FAM118A: variants seen among roughly 807,000 people sequenced by gnomAD.
FAM118A encodes the protein SIR2 antiphage like 2, also known as protein FAM118A.
FAM118A carries 25 observed loss-of-function variants against 38.2 expected under a neutral mutation model. That is an observed-to-expected ratio of 0.65 (90% CI 0.48 to 0.91). The LOEUF is 0.91. Among genes scored for constraint, FAM118A ranks in the 40% least tolerant of loss-of-function variants. The pLI is 0.00. For missense variants in FAM118A, 425 were observed against 463.3 expected, an observed-to-expected ratio of 0.92 and a Z score of 0.76; for synonymous variants, 178 against 184.1, an observed-to-expected ratio of 0.97 and a Z score of 0.27.
chr22:45,324,105 C>T (rs961040876), intron 3 of FAM118A, among the ~76,000 whole-genome samples: 2 of 152,074 alleles, frequency 1.3e-5, no homozygotes, highest in African/African-American at 2.4e-5. Context: ...AGAGTCAGGA[C>T]GGGAGGAGAT....
chr22:45,312,692 C>A (rs1398599516), intron 1 of FAM118A, among the ~76,000 whole-genome samples: 3 of 152,108 alleles, frequency 2.0e-5, no homozygotes, highest in Non-Finnish European at 2.9e-5. Context: ...TGGAACAGCT[C>A]ACAGAACTCA....
chr22:45,316,638 C>G (rs955582907), intron 1 of FAM118A, among the ~76,000 whole-genome samples: 1 of 152,148 alleles, frequency 6.6e-6, no homozygotes, highest in Non-Finnish European at 1.5e-5. Context: ...AAGATCCACC[C>G]TGGCTACACT....
chr22:45,322,864 A>C (rs543489912), intron 2 of FAM118A, among the ~76,000 whole-genome samples: 1 of 152,360 alleles, frequency 6.6e-6, no homozygotes, highest in Non-Finnish European at 1.5e-5. Context: ...TTGTATTCAT[A>C]ACCTGTGTGC....
At chr22:45,314,456 G>A (rs764664504) in intron 1 of FAM118A, among the ~76,000 whole-genome samples, 2 of 152,256 alleles carry the variant, frequency 1.3e-5, no homozygotes, top group Non-Finnish European at 2.9e-5. Context: ...ACAATGCCCA[G>A]GCCGGTGGGA....
At chr22:45,338,558 G>A (rs1485729285) in intron 8 of FAM118A, among the ~76,000 whole-genome samples, 6 of 152,194 alleles carry the variant, frequency 3.9e-5, no homozygotes, top group African/African-American at 1.4e-4. Context: ...CCTTTTCTCA[G>A]AGCATCTGCT....
Position 45,330,606 on chromosome 22 carries a change from C to T in FAM118A, c.526C>T (p.Leu176Phe), listed in dbSNP as rs1238847507. The change falls in exon 5 of 9, where the codon CTT becomes TTT. Residue 176 changes from leucine (L) to phenylalanine (F), a missense_variant. Transcript: ENST00000441876. ...SLDLKDKTKV[L>F]EWARGHMKYG... Reference sequence around the variant, plus strand: ...TTCTTGGCTTGATGTTTGGTAGGTCCTTGAATGGGCAAGAGGGCACATGAA... The same window carrying T: ...TTCTTGGCTTGATGTTTGGTAGGTCTTTGAATGGGCAAGAGGGCACATGAA... The T allele has an allele frequency of 1.3e-6, 2 of 1,553,606 alleles. No homozygotes were observed. Among genetic ancestry groups the T allele is most frequent in the African/African-American group, 1.4e-5 (1 of 72,222 alleles).
At chr22:45,326,860 A>G (rs919598535) in intron 3 of FAM118A, among the ~76,000 whole-genome samples, 1 of 30,870 alleles carries the variant, frequency 3.2e-5, no homozygotes, top group Admixed American at 3.2e-4. Context: ...TAAAAAATTA[A>G]CTAGGTGTTA....
At chr22:45,310,448 C>G (rs1043016853) in intron 1 of FAM118A, among the ~76,000 whole-genome samples, 2 of 152,098 alleles carry the variant, frequency 1.3e-5, no homozygotes, top group African/African-American at 4.8e-5. Flanking sequence ...TCCGGAAACT[C>G]TCGAGGTTCC....
chr22:45,336,859 C>T (rs2146718721), intron 8 of FAM118A, among the ~76,000 whole-genome samples: 1 of 152,342 alleles, frequency 6.6e-6, no homozygotes, highest in Non-Finnish European at 1.5e-5. Flanking sequence ...AGGGTGACCA[C>T]TAGCCTGATG....
chr22:45,337,927 A>T (rs1025468421), intron 8 of FAM118A: 1 of 983,376 alleles, frequency 1.0e-6, no homozygotes, highest in Non-Finnish European at 1.2e-6. Context: ...CAGGTTTCCT[A>T]TGAAGAGGGT....
At chr22:45,331,429 G>A (rs2085710801) in intron 5 of FAM118A, among the ~76,000 whole-genome samples, 1 of 152,166 alleles carries the variant, frequency 6.6e-6, no homozygotes, top group African/African-American at 2.4e-5. Flanking sequence ...AGGCTGAAGT[G>A]CAGTGGCATG....
In FAM118A at chr22:45,317,073, A is replaced by G. The variant is rs186253428; in HGVS notation, c.-9-5298A>G. Among the ~76,000 whole-genome samples the G allele has an allele frequency of 6.4e-4, 98 of 152,244 alleles. 1 individual carries two copies. The highest frequency in any genetic ancestry group is 7.9e-4 in the Non-Finnish European group (54 of 68,012). ...CTGCTCAAAGCCCATGTGATCATCT[A>G]TTTATAGAAAGAAATTAAGAAAGTT... is the stretch of plus-strand genomic sequence containing the variant. On this transcript the variant is annotated intron_variant, in intron 1 of 8. Transcript: ENST00000441876.
In FAM118A at chr22:45,340,379, T is replaced by G; in HGVS notation, c.1055-7T>G. On this transcript the variant is annotated splice_region_variant and splice_polypyrimidine_tract_variant and intron_variant, in intron 8 of 8. Coordinates refer to ENST00000441876, the MANE Select transcript of FAM118A (RefSeq NM_017911.4). The stretch of plus-strand genomic sequence containing the variant: ...CCCTTGGGCATTTCATTCTTTTATT[T>G]AAACAGATGATGCTGGAGGGTCTTG... 6.2e-7 allele frequency: 1 copy of G among 1,614,218 alleles called. No homozygotes were observed. The highest frequency in any genetic ancestry group is 8.5e-7 in the Non-Finnish European group (1 of 1,180,034).
In FAM118A at chr22:45,340,766, C is replaced by T. The variant is rs2086421303; in HGVS notation, c.*361C>T. The stretch of plus-strand genomic sequence containing the variant: ...ATAAAAGGGGAAGAGTAAAGACTGT[C>T]CAAGCAACAGTAGCTGCCAAAGAGA... On this transcript the variant is annotated 3_prime_UTR_variant, in exon 9 of 9. Coordinates refer to ENST00000441876, the MANE Select transcript of FAM118A (RefSeq NM_017911.4). The T allele has an allele frequency of 3.2e-6, 1 of 310,788 alleles. No homozygotes were observed. Among genetic ancestry groups the T allele is most frequent in the Non-Finnish European group, 5.9e-6 (1 of 169,162 alleles). The allele number at this position is 310,788 out of a possible 1,614,324, so 19.3% of individuals were successfully genotyped here. A position where few individuals can be genotyped will look rare whatever the true frequency, so the allele number is the denominator to read the frequency against.
rs961804165 is a variant in FAM118A at position 45,309,993 on chromosome 22, C to G, written c.-200C>G. 1 of 152,264 alleles carries G rather than the reference C, an allele frequency of 6.6e-6. No homozygotes were observed. The highest frequency in any genetic ancestry group is 1.5e-5 in the Non-Finnish European group (1 of 68,094). The allele number at this position is 152,264 out of a possible 1,614,324, so 9.4% of individuals were successfully genotyped here. On this transcript the variant is annotated 5_prime_UTR_variant, in exon 1 of 9. Transcript: ENST00000441876. Reference sequence around the variant, plus strand: ...GCCTGGAGGCGGCGTGGCGTCCGCTCTGGCTCCGACTCCGGCTCTCGCTCT... The same window carrying G: ...GCCTGGAGGCGGCGTGGCGTCCGCTGTGGCTCCGACTCCGGCTCTCGCTCT...
chr22:45,335,484 A>G (rs906785880), intron 7 of FAM118A, 102 bp downstream of exon 7: 21 of 1,366,578 alleles, frequency 1.5e-5, no homozygotes, highest in South Asian at 2.4e-5. Context: ...TTCACCTTAA[A>G]TAATTAGCTT....
At chr22:45,314,347 G>A (rs894427235) in intron 1 of FAM118A, among the ~76,000 whole-genome samples, 50 of 133,094 alleles carry the variant, frequency 3.8e-4, no homozygotes, top group Admixed American at 6.2e-4. Context: ...TCCGGGGAAG[G>A]AGAAACTGTA....
intron 1 of FAM118A, among the ~76,000 whole-genome samples, chr22:45,320,388 A>C (rs1181187782): frequency 6.8e-6 from 1 of 147,658 alleles, no homozygotes; most frequent in Admixed American, 7.0e-5. Context: ...ATCAAAAAAA[A>C]ACAAACAAAC....
Position 45,332,447 on chromosome 22 carries a change from G to T in FAM118A, c.674G>T (p.Arg225Leu), listed in dbSNP as rs774968419. Residue 225 changes from arginine to leucine, a missense_variant, in exon 6 of 9, where the codon CGC (arginine) becomes CTC (leucine). Physicochemically the swap from Arg to Leu is moderately radical, Grantham distance 102 (BLOSUM62 -2). Coordinates refer to ENST00000441876, the MANE Select transcript of FAM118A (RefSeq NM_017911.4). ...EVMEVLQNLYRTKSFLFVGCG... is the reference protein window; with the variant it reads ...EVMEVLQNLYLTKSFLFVGCG... ...TAGGAAGTCCTCCAGAACTTATACC[G>T]CACCAAGTCCTTTCTGTTTGTGGGC... 1.2e-6 allele frequency: 2 copies of T among 1,613,512 alleles called. No individual in the cohort carries two copies. The highest frequency in any genetic ancestry group is 2.2e-5 in the East Asian group (1 of 44,900).
Sources: gnomAD v4.1 joint callset for allele counts (sites outside exome capture counted in the v4.1 genomes callset) on GRCh38, gnomAD v4.1.1 for gene constraint, MANE v1.5 for transcripts, NCBI Gene and HGNC (gene_info 2026-07-23, HGNC 2026-07-21) for gene names.